Variants in CCDC28A observed in about 807,000 individuals in gnomAD.
The protein encoded by CCDC28A is coiled-coil domain containing 28A.
CCDC28A carries 24 observed loss-of-function variants against 22.1 expected under a neutral mutation model. That is an observed-to-expected ratio of 1.09 (90% CI 0.79 to 1.53). The LOEUF is 1.53. Among genes scored for constraint, CCDC28A ranks in the 40% most tolerant of loss-of-function variants. CCDC28A has a pLI of 0.00. For missense variants in CCDC28A, 170 were observed against 210.7 expected, an observed-to-expected ratio of 0.81 and a Z score of 1.20; for synonymous variants, 83 against 74.7, an observed-to-expected ratio of 1.11 and a Z score of -0.57.
chr6:138,785,353 A>G lies in CCDC28A; in HGVS notation c.449A>G (p.Asp150Gly). The G allele has an allele frequency of 6.2e-7, 1 of 1,613,448 alleles. No homozygotes were observed. Among genetic ancestry groups the G allele is most frequent in the Non-Finnish European group, 8.5e-7 (1 of 1,179,644 alleles). Residue 150 changes from aspartate to glycine, a missense_variant, in exon 4 of 6, where the codon GAC (aspartate) becomes GGC (glycine). By Grantham distance (94) the Asp-to-Gly change is moderately conservative. Transcript: ENST00000617445. The stretch of plus-strand genomic sequence containing the variant: ...GAGGATAAGAGAAAAACAGCCAGTG[A>G]CTCCAATCTGGATAGGCTTCTGTCA... ...LPEDKRKTAS[D>G]SNLDRLLSDL...
Position 138,776,385 on chromosome 6 carries a change from T to A in CCDC28A, c.158+107T>A, listed in dbSNP as rs144069729. On this transcript the variant is annotated intron_variant, in intron 2 of 5. Coordinates refer to ENST00000617445, the MANE Select transcript of CCDC28A (RefSeq NM_015439.3). Reference sequence around the variant, plus strand: ...AGTCTTGGCTTGACTTTTAAAACAGTTGAGGCACCCATTATGCGTGATTTA... The same window carrying A: ...AGTCTTGGCTTGACTTTTAAAACAGATGAGGCACCCATTATGCGTGATTTA... The A allele has an allele frequency of 5.1e-3, 4,452 of 865,794 alleles. 16 individuals carry two copies. Among genetic ancestry groups the A allele is most frequent in the Non-Finnish European group, 7.0e-3 (3,770 of 536,532 alleles). 53.6% of individuals were successfully genotyped at this position (865,794 alleles called of 1,614,324 possible). A position where few individuals can be genotyped will look rare whatever the true frequency, so the allele number is the denominator to read the frequency against.
chr6:138,787,433 A>G (rs565732661), intron 4 of CCDC28A, among the ~76,000 whole-genome samples: 60 of 152,256 alleles, frequency 3.9e-4, no homozygotes, highest in Middle Eastern at 3.4e-3. Context: ...GTAAATTTCT[A>G]TTGTTTATAA....
intron 2 of CCDC28A, among the ~76,000 whole-genome samples, chr6:138,777,366 C>T (rs1415436033): frequency 6.6e-6 from 1 of 152,038 alleles, no homozygotes; most frequent in East Asian, 1.9e-4. Context: ...GGATTTCCTT[C>T]GAATAAATTA....
chr6:138,793,027 G>A lies in CCDC28A; in HGVS notation c.*224G>A, dbSNP rs150840460. ...TGAAGGCTTCATCAGGAAATGTGAC[G>A]CAGAGATTGTGCTGCTGTGCTTCAT... On this transcript the variant is annotated 3_prime_UTR_variant, in exon 6 of 6. Coordinates refer to ENST00000617445, the MANE Select transcript of CCDC28A (RefSeq NM_015439.3). 8.1e-5 allele frequency: 42 copies of A among 517,222 alleles called. No individual in the cohort carries two copies. The East Asian group carries it at 1.3e-3, about 16-fold the overall frequency. 32.0% of individuals were successfully genotyped at this position (517,222 alleles called of 1,614,324 possible).
rs1314395544 is a variant in CCDC28A at position 138,779,817 on chromosome 6, T to C, written c.159-5T>C. ...TAAAAAGCCTAAATTTCATCGTCTTTACAGAGTGATGAAAGAAAAGACCAA... is the reference window on the plus strand; with the variant it reads ...TAAAAAGCCTAAATTTCATCGTCTTCACAGAGTGATGAAAGAAAAGACCAA... On this transcript the variant is annotated splice_polypyrimidine_tract_variant and splice_region_variant and intron_variant, in intron 2 of 5. Transcript: ENST00000617445. 6.2e-7 allele frequency: 1 copy of C among 1,608,964 alleles called. No homozygotes were observed. The highest frequency in any genetic ancestry group is 8.5e-7 in the Non-Finnish European group (1 of 1,178,134).
chr6:138,789,159 T>C (rs1006065812), intron 5 of CCDC28A, among the ~76,000 whole-genome samples: 1 of 152,194 alleles, frequency 6.6e-6, no homozygotes, highest in African/African-American at 2.4e-5. Context: ...AGAGCAATTA[T>C]TTTAAGAACT....
intron 3 of CCDC28A, among the ~76,000 whole-genome samples, chr6:138,780,471 T>C (rs1271680693): frequency 6.6e-6 from 1 of 152,192 alleles, no homozygotes; most frequent in Non-Finnish European, 1.5e-5. Flanking sequence ...TCTGAATAGG[T>C]ATTTTTTCGT....
At position 138,786,773 on chromosome 6, in the gene CCDC28A, G is replaced by A. The variant is rs983435580; in HGVS notation, c.477+1392G>A. 4.6e-5 allele frequency among the ~76,000 whole-genome samples: 7 copies of A among 152,172 alleles called. No individual in the cohort carries two copies. The East Asian group carries it at 9.7e-4, about 21-fold the overall frequency. ...TGGGACTATGGGCACATGCCACCAC[G>A]CCCAGCTAATTTTTTTATTTTTAGT... is the stretch of plus-strand genomic sequence containing the variant. On this transcript the variant is annotated intron_variant, in intron 4 of 5. Coordinates refer to ENST00000617445, the MANE Select transcript of CCDC28A (RefSeq NM_015439.3).
chr6:138,774,738 G>A (rs1304569329), intron 1 of CCDC28A, among the ~76,000 whole-genome samples: 1 of 152,248 alleles, frequency 6.6e-6, no homozygotes, highest in Non-Finnish European at 1.5e-5. Context: ...TTAAGCGACA[G>A]CAATGGGTTT....
At position 138,785,225 on chromosome 6, in the gene CCDC28A, A is replaced by C; in HGVS notation, c.323-2A>C. 6.2e-7 allele frequency: 1 copy of C among 1,611,496 alleles called. No homozygotes were observed. The highest frequency in any genetic ancestry group is 8.5e-7 in the Non-Finnish European group (1 of 1,178,026). ...TTATTAATGTTCTGGAATGTTCCCAAGGAAATGAATGTTCCATTGAACAGA... is the reference window on the plus strand; with the variant it reads ...TTATTAATGTTCTGGAATGTTCCCACGGAAATGAATGTTCCATTGAACAGA... On this transcript the variant is annotated splice_acceptor_variant, in intron 3 of 5. Coordinates refer to ENST00000617445, the MANE Select transcript of CCDC28A (RefSeq NM_015439.3). LOFTEE classifies it high-confidence loss of function.
chr6:138,776,159 T>C lies in CCDC28A; in HGVS notation c.39T>C (p.Ser13=). 4 of 1,613,848 alleles carry C rather than the reference T, an allele frequency of 2.5e-6. No homozygotes were observed. Among genetic ancestry groups the C allele is most frequent in the Non-Finnish European group, 3.4e-6 (4 of 1,179,822 alleles). ...ERKVKRRSPK[S]FSAHCTQVVN... ...AAGTGAAGAGGAGGAGTCCTAAGTC[T>C]TTTAGTGCCCACTGTACTCAGGTTG... Residue 13 remains serine (S), a synonymous_variant, in exon 2 of 6, where the codon TCT becomes TCC. Coordinates refer to ENST00000617445, the MANE Select transcript of CCDC28A (RefSeq NM_015439.3).
intron 5 of CCDC28A, among the ~76,000 whole-genome samples, chr6:138,792,162 T>G (rs577601271): frequency 6.6e-6 from 1 of 152,332 alleles, no homozygotes; most frequent in African/African-American, 2.4e-5. Context: ...CTCAAAAGAT[T>G]TTTTTAATCT....
chr6:138,785,338 GA>G lies in CCDC28A; in HGVS notation c.439del (p.Thr147GlnfsTer14). ...TTAGAGGAACTTCCTGAGGATAAGA[GA>G]AAAACAGCCAGTGACTCCAATCTGG... The part of the protein sequence containing the change: ...GELEELPEDK[R>X]KTASDSNLDR... On this transcript the variant is annotated frameshift_variant, in exon 4 of 6. Coordinates refer to ENST00000617445, the MANE Select transcript of CCDC28A (RefSeq NM_015439.3). LOFTEE classifies it high-confidence loss of function. The G allele has an allele frequency of 6.2e-7, 1 of 1,613,668 alleles. No individual in the cohort carries two copies. The highest frequency in any genetic ancestry group is 8.5e-7 in the Non-Finnish European group (1 of 1,179,654).
intron 3 of CCDC28A, among the ~76,000 whole-genome samples, chr6:138,781,572 G>T (rs1775021413): frequency 6.6e-6 from 1 of 152,198 alleles, no homozygotes; most frequent in South Asian, 2.1e-4. Flanking sequence ...TTCCCGCCAA[G>T]CAGTAGGTAT....
chr6:138,776,041 T>G (rs1413775782), intron 1 of CCDC28A, 38 bp from the exon 2 acceptor site: 1 of 1,496,742 alleles, frequency 6.7e-7, no homozygotes. Context: ...GTTTGCATAT[T>G]ATAGCATACA....
chr6:138,776,579 G>A (rs1293516513), intron 2 of CCDC28A, among the ~76,000 whole-genome samples: 1 of 152,078 alleles, frequency 6.6e-6, no homozygotes, highest in African/African-American at 2.4e-5. Context: ...GTGAAAGAAA[G>A]TCAGCAGGGT....
intron 5 of CCDC28A, among the ~76,000 whole-genome samples, chr6:138,789,507 T>C (rs1410240039): frequency 6.6e-6 from 1 of 152,226 alleles, no homozygotes; most frequent in East Asian, 1.9e-4. Context: ...TGTTATTAAC[T>C]GCTGAATTGT....
At chr6:138,782,688 G>T (rs1775038057) in intron 3 of CCDC28A, among the ~76,000 whole-genome samples, 1 of 152,028 alleles carries the variant, frequency 6.6e-6, no homozygotes, top group Non-Finnish European at 1.5e-5. Flanking sequence ...GGTTACTAAT[G>T]TTGAAAAACA....
At position 138,785,312 on chromosome 6, in the gene CCDC28A, G is replaced by A. The variant is rs772387526; in HGVS notation, c.408G>A (p.Glu136=). 1 of 1,613,322 alleles carries A rather than the reference G, an allele frequency of 6.2e-7. No individual in the cohort carries two copies. Among genetic ancestry groups the A allele is most frequent in the Non-Finnish European group, 8.5e-7 (1 of 1,179,322 alleles). ...LARLNLELYG[E]LEELPEDKRK... is the part of the protein sequence containing the mutation. ...GCTTGAATTTGGAGCTCTATGGGGAGTTAGAGGAACTTCCTGAGGATAAGA... is the reference window on the plus strand; with the variant it reads ...GCTTGAATTTGGAGCTCTATGGGGAATTAGAGGAACTTCCTGAGGATAAGA... The change falls in exon 4 of 6, where the codon GAG becomes GAA. Residue 136 remains glutamate (E), a synonymous_variant. Transcript: ENST00000617445.
Sources: allele counts gnomAD v4.1 joint callset (sites outside exome capture counted in the v4.1 genomes callset), GRCh38; gene constraint gnomAD v4.1.1; transcripts MANE v1.5; gene names NCBI Gene and HGNC (gene_info 2026-07-23, HGNC 2026-07-21).